Variants in MIR2052HG observed in about 807,000 individuals in gnomAD.
The protein encoded by MIR2052HG is MIR2052 host gene.
chr8:74,662,881 TG>T (rs2128737153), intron 2 of MIR2052HG, among the ~76,000 whole-genome samples: 1 of 151,622 alleles, frequency 6.6e-6, no homozygotes, highest in Non-Finnish European at 1.5e-5. Flanking sequence ...TGTGTGTGTG[TG>T]TGTGTGTGTG....
intron 2 of MIR2052HG, among the ~76,000 whole-genome samples, chr8:74,695,338 A>G (rs1586916158): frequency 6.6e-6 from 1 of 152,208 alleles, no homozygotes; most frequent in African/African-American, 2.4e-5. Context: ...AATCCTTGAA[A>G]TACACCAAAA....
intron 4 of MIR2052HG, among the ~76,000 whole-genome samples, chr8:74,746,158 T>C (rs1809883491): frequency 6.6e-6 from 1 of 152,198 alleles, no homozygotes; most frequent in Non-Finnish European, 1.5e-5. Flanking sequence ...ACTCGCAATG[T>C]ATTAGACACG....
chr8:74,637,870 A>G (rs1209030621), intron 2 of MIR2052HG, among the ~76,000 whole-genome samples: 1 of 152,136 alleles, frequency 6.6e-6, no homozygotes, highest in Non-Finnish European at 1.5e-5. Flanking sequence ...TTTACCTTTT[A>G]TTAATTGAAA....
chr8:74,629,697 C>T (rs1212566249), intron 2 of MIR2052HG, among the ~76,000 whole-genome samples: 1 of 152,068 alleles, frequency 6.6e-6, no homozygotes, highest in Non-Finnish European at 1.5e-5. Flanking sequence ...TGCATTGGCC[C>T]AGTACAAGGT....
At chr8:74,746,222 G>T (rs540577567) in intron 4 of MIR2052HG, among the ~76,000 whole-genome samples, 3 of 152,196 alleles carry the variant, frequency 2.0e-5, no homozygotes, top group African/African-American at 2.4e-5. Context: ...AAATGAAACA[G>T]TTGAAATTAG....
At chr8:74,653,582 G>A (rs771428853) in intron 2 of MIR2052HG, among the ~76,000 whole-genome samples, 1 of 152,106 alleles carries the variant, frequency 6.6e-6, no homozygotes, top group African/African-American at 2.4e-5. Context: ...ACTGATGTAA[G>A]AATTGAGTGT....
intron 5 of MIR2052HG, among the ~76,000 whole-genome samples, chr8:74,753,920 C>G (rs1216471642): frequency 6.6e-6 from 1 of 152,176 alleles, no homozygotes; most frequent in Non-Finnish European, 1.5e-5. Flanking sequence ...TGTGCTCTGA[C>G]AATCTGACTC....
At chr8:74,742,814 A>G (rs59326639) in intron 4 of MIR2052HG, among the ~76,000 whole-genome samples, 2,363 of 152,268 alleles carry the variant, frequency 0.016, 67 homozygotes, top group African/African-American at 0.054. Context: ...GTTATTATTG[A>G]CTGAAGATGG....
intron 4 of MIR2052HG, among the ~76,000 whole-genome samples, chr8:74,721,553 G>A (rs1263490198): frequency 1.3e-5 from 2 of 152,158 alleles, no homozygotes; most frequent in Non-Finnish European, 2.9e-5. Flanking sequence ...TCTCATCCAC[G>A]AAGTTTCTCT....
chr8:74,644,601 C>G (rs1238090971), intron 2 of MIR2052HG, among the ~76,000 whole-genome samples: 1 of 151,948 alleles, frequency 6.6e-6, no homozygotes, highest in Non-Finnish European at 1.5e-5. Flanking sequence ...TGTAGAAAAA[C>G]CACTTGTCAC....
intron 2 of MIR2052HG, among the ~76,000 whole-genome samples, chr8:74,629,416 G>A (rs980918544): frequency 1.3e-5 from 2 of 152,040 alleles, no homozygotes; most frequent in Admixed American, 6.6e-5. Context: ...TTTCAGGATG[G>A]TTTTCTACAG....
In MIR2052HG at chr8:74,609,017, G is replaced by T. The variant is rs184685071; in HGVS notation, n.129-3836G>T. Among the ~76,000 whole-genome samples the T allele has an allele frequency of 3.3e-5, 5 of 151,882 alleles. No homozygotes were observed. In the East Asian group the frequency reaches 7.7e-4, roughly 23 times the overall value. On this transcript the variant is annotated intron_variant and non_coding_transcript_variant, in intron 1 of 6. Transcript: ENST00000523442. Reference sequence around the variant, plus strand: ...ATAGAGAAAATTAATAAAAACAAAAGAATTTTTAAGATTAATAAAGTTAAT... The same window carrying T: ...ATAGAGAAAATTAATAAAAACAAAATAATTTTTAAGATTAATAAAGTTAAT...
intron 2 of MIR2052HG, among the ~76,000 whole-genome samples, chr8:74,649,835 AT>A (rs1808733930): frequency 6.6e-6 from 1 of 151,996 alleles, no homozygotes; most frequent in African/African-American, 2.4e-5. Flanking sequence ...TTTATGTAAT[AT>A]TTTATATTTT....
chr8:74,748,203 C>G (rs932818517), intron 4 of MIR2052HG, among the ~76,000 whole-genome samples: 1 of 152,196 alleles, frequency 6.6e-6, no homozygotes, highest in Non-Finnish European at 1.5e-5. Context: ...CAGTCAGAAG[C>G]TGGCACTTTG....
chr8:74,601,888 T>C (rs1013554562), intron 1 of MIR2052HG, among the ~76,000 whole-genome samples: 2 of 152,228 alleles, frequency 1.3e-5, no homozygotes, highest in African/African-American at 4.8e-5. Flanking sequence ...TCCCCTAGAA[T>C]CATACTTCAC....
chr8:74,738,409 G>A (rs1005831366), intron 4 of MIR2052HG, among the ~76,000 whole-genome samples: 3 of 152,122 alleles, frequency 2.0e-5, no homozygotes, highest in Non-Finnish European at 4.4e-5. Context: ...AAGGCAAAAT[G>A]TAATTCTTCC....
At chr8:74,662,931 T>A (rs936313486) in intron 2 of MIR2052HG, among the ~76,000 whole-genome samples, 1 of 151,806 alleles carries the variant, frequency 6.6e-6, no homozygotes, top group Non-Finnish European at 1.5e-5. Flanking sequence ...TACAGTATTT[T>A]AAAAAACAGA....
At chr8:74,745,278 C>A (rs1809872310) in intron 4 of MIR2052HG, among the ~76,000 whole-genome samples, 1 of 151,792 alleles carries the variant, frequency 6.6e-6, no homozygotes, top group Non-Finnish European at 1.5e-5. Context: ...CAAAGCAATG[C>A]AGAAAAGATC....
At chr8:74,692,152 G>A (rs550587900) in intron 2 of MIR2052HG, among the ~76,000 whole-genome samples, 2 of 152,186 alleles carry the variant, frequency 1.3e-5, no homozygotes, top group African/African-American at 2.4e-5. Flanking sequence ...GTACACTGGT[G>A]CAATCTCAGC....
Sources: gnomAD v4.1 joint callset for allele counts (sites outside exome capture counted in the v4.1 genomes callset) on GRCh38, gnomAD v4.1.1 for gene constraint, MANE v1.5 for transcripts, NCBI Gene and HGNC (gene_info 2026-07-23, HGNC 2026-07-21) for gene names.